The following DPYD variants were observed in gnomAD, a reference collection of about 807,000 sequenced individuals.
The protein encoded by DPYD is dihydropyrimidine dehydrogenase.
Under a neutral mutation model 116.2 loss-of-function variants are expected in DPYD, and 109 were observed. The observed-to-expected ratio is 0.94, with a 90% confidence interval of 0.80 to 1.10. The LOEUF is 1.10. DPYD is among the 50% of genes least tolerant of loss of function. DPYD has a pLI of 0.00. For synonymous variants in DPYD, 440 were observed against 432.0 expected (o/e 1.02, Z -0.23); for missense variants, 1,302 against 1,254.5 (o/e 1.04, Z -0.57).
intron 14 of DPYD, among the ~76,000 whole-genome samples, chr1:97,424,884 T>A (rs988569738): frequency 6.6e-6 from 1 of 152,038 alleles, no homozygotes; most frequent in Non-Finnish European, 1.5e-5. Context: ...GCTTCTCACA[T>A]TACCTTTATT....
intron 7 of DPYD, among the ~76,000 whole-genome samples, chr1:97,679,948 A>G (rs1296867839): frequency 6.6e-6 from 1 of 152,140 alleles, no homozygotes; most frequent in African/African-American, 2.4e-5. Flanking sequence ...AGCCCTGGAA[A>G]AAGGGGAATG....
intron 4 of DPYD, among the ~76,000 whole-genome samples, chr1:97,728,645 C>T (rs1027234015): frequency 6.6e-6 from 1 of 151,978 alleles, no homozygotes; most frequent in African/African-American, 2.4e-5. Context: ...CTCCAATCTG[C>T]TGCATTTAAA....
intron 8 of DPYD, among the ~76,000 whole-genome samples, chr1:97,614,336 A>C (rs1656136286): frequency 6.6e-6 from 1 of 152,096 alleles, no homozygotes; most frequent in Non-Finnish European, 1.5e-5. Context: ...GAATAATTTA[A>C]ATACTTTTAC....
At chr1:97,240,289 C>A (rs1390365529) in intron 18 of DPYD, among the ~76,000 whole-genome samples, 2 of 151,334 alleles carry the variant, frequency 1.3e-5, no homozygotes, top group Non-Finnish European at 2.9e-5. Context: ...ATTACAATAT[C>A]TGAACTCAAG....
At chr1:97,741,457 G>C (rs779084391) in intron 3 of DPYD, among the ~76,000 whole-genome samples, 3 of 152,046 alleles carry the variant, frequency 2.0e-5, no homozygotes, top group Non-Finnish European at 4.4e-5. Context: ...TTACTGACCT[G>C]GGAATCCGCA....
intron 2 of DPYD, among the ~76,000 whole-genome samples, chr1:97,861,120 A>ACAAT (rs1671091361): frequency 6.6e-6 from 1 of 152,060 alleles, no homozygotes; most frequent in Admixed American, 6.6e-5. Context: ...ATTTCTCAAA[A>ACAAT]TACACCGCAA....
At position 97,437,430 on chromosome 1, in the gene DPYD, G is replaced by C. The variant is rs1321147825; in HGVS notation, c.1905+12629C>G. 4.6e-5 allele frequency among the ~76,000 whole-genome samples: 7 copies of C among 151,486 alleles called. No individual in the cohort carries two copies. The East Asian group carries it at 1.3e-3, about 29-fold the overall frequency. ...TCATAGTATGAATATACCACAATTTGTTTATCTTTTCAGTTGTTGATGAAA... is the reference window on the plus strand; with the variant it reads ...TCATAGTATGAATATACCACAATTTCTTTATCTTTTCAGTTGTTGATGAAA... On this transcript the variant is annotated intron_variant, in intron 14 of 22. Coordinates refer to ENST00000370192, the MANE Select transcript of DPYD (RefSeq NM_000110.4).
chr1:97,185,168 G>C (rs78211844), intron 20 of DPYD, among the ~76,000 whole-genome samples: 4,513 of 152,140 alleles, frequency 0.03, 253 homozygotes, highest in East Asian at 0.24. Flanking sequence ...TTAAAAAATG[G>C]ACAAAATATT....
intron 18 of DPYD, among the ~76,000 whole-genome samples, chr1:97,236,002 T>G (rs1048097971): frequency 1.3e-5 from 2 of 152,222 alleles, no homozygotes; most frequent in Middle Eastern, 3.2e-3. Flanking sequence ...ATTGTATGGA[T>G]AGAAAGAATA....
At chr1:97,647,202 T>C (rs1253924321) in intron 8 of DPYD, among the ~76,000 whole-genome samples, 1 of 152,098 alleles carries the variant, frequency 6.6e-6, no homozygotes, top group Non-Finnish European at 1.5e-5. Context: ...GGAACTAGCT[T>C]ACTAGAAAAT....
intron 8 of DPYD, among the ~76,000 whole-genome samples, chr1:97,678,681 T>A (rs1479922174): frequency 1.3e-5 from 2 of 152,168 alleles, no homozygotes; most frequent in Non-Finnish European, 2.9e-5. Flanking sequence ...GAAAAGTCTT[T>A]AGAAAATTTT....
chr1:97,707,293 A>G (rs567026681), intron 5 of DPYD, among the ~76,000 whole-genome samples: 19 of 151,882 alleles, frequency 1.3e-4, no homozygotes, highest in African/African-American at 4.4e-4. Context: ...GCTTATGAGC[A>G]TATATTTTTT....
At position 97,737,749 on chromosome 1, in the gene DPYD, T is replaced by C. The variant is rs181663203; in HGVS notation, c.321+2643A>G. On this transcript the variant is annotated intron_variant, in intron 4 of 22. Transcript: ENST00000370192. ...GTGTGTACAATATATGTACAATATATATCCCTCTCAACCATATATATATAC... is the reference window on the plus strand; with the variant it reads ...GTGTGTACAATATATGTACAATATACATCCCTCTCAACCATATATATATAC... 4.1e-3 allele frequency among the ~76,000 whole-genome samples: 618 copies of C among 152,156 alleles called. 5 individuals are homozygous for C. The highest frequency in any genetic ancestry group is 7.2e-3 in the Non-Finnish European group (487 of 67,982).
At chr1:97,694,097 C>A (rs1264588253) in intron 6 of DPYD, among the ~76,000 whole-genome samples, 2 of 152,156 alleles carry the variant, frequency 1.3e-5, no homozygotes, top group Admixed American at 6.5e-5. Flanking sequence ...TGGAGTTCAG[C>A]AACTCTGCTT....
chr1:97,823,928 A>C (rs1443340555), intron 3 of DPYD, among the ~76,000 whole-genome samples: 1 of 151,766 alleles, frequency 6.6e-6, no homozygotes. Context: ...AACAAACAAA[A>C]AAAACCTTTT....
intron 14 of DPYD, among the ~76,000 whole-genome samples, chr1:97,420,610 C>A (rs548684709): frequency 6.6e-6 from 1 of 152,036 alleles, no homozygotes; most frequent in East Asian, 1.9e-4. Flanking sequence ...CAAGCATAAA[C>A]GGCCTTTCGT....
intron 12 of DPYD, among the ~76,000 whole-genome samples, chr1:97,518,564 C>T (rs1371136247): frequency 6.6e-6 from 1 of 152,092 alleles, no homozygotes; most frequent in East Asian, 1.9e-4. Flanking sequence ...CTCAGATTTC[C>T]AAGAGACATC....
At chr1:97,206,638 TTATATATATATATATATA>T (rs57893705) in intron 19 of DPYD, among the ~76,000 whole-genome samples, 5,517 of 48,950 alleles carry the variant, frequency 0.11, 475 homozygotes, top group East Asian at 0.24. Context: ...CAGGGAGATT[TTATATATATATATATATA>T]TATATATATA....
At chr1:97,714,886 AAG>A (rs1472398994) in intron 5 of DPYD, among the ~76,000 whole-genome samples, 1 of 152,128 alleles carries the variant, frequency 6.6e-6, no homozygotes, top group African/African-American at 2.4e-5. Context: ...TGGGGCAAGT[AAG>A]AGTTTGTGAA....
Sources: allele counts gnomAD v4.1 joint callset (sites outside exome capture counted in the v4.1 genomes callset), GRCh38; gene constraint gnomAD v4.1.1; transcripts MANE v1.5; gene names NCBI Gene and HGNC (gene_info 2026-07-23, HGNC 2026-07-21).